The following SPACDR variants were observed in gnomAD, a reference collection of about 807,000 sequenced individuals.
SPACDR encodes the protein uncharacterized protein C7orf61.
At chr7:100,459,071 T>C in the SPACDR span, among the ~76,000 whole-genome samples, 1 of 146,650 alleles carries the variant, frequency 6.8e-6, no homozygotes, top group East Asian at 2.2e-4. Flanking sequence ...TGGCACAATC[T>C]TGGCTCACTG....
chr7:100,460,213 A>G, the SPACDR span, among the ~76,000 whole-genome samples: 3 of 151,610 alleles, frequency 2.0e-5, no homozygotes, highest in Non-Finnish European at 4.4e-5. Flanking sequence ...TTGTGTGAAC[A>G]TAAGATTTTA....
At chr7:100,460,663 T>C in the SPACDR span, among the ~76,000 whole-genome samples, 1 of 151,638 alleles carries the variant, frequency 6.6e-6, no homozygotes, top group African/African-American at 2.4e-5. Context: ...TATTTTCCTT[T>C]TTTTTTTTTG....
chr7:100,460,782 T>A, the SPACDR span, among the ~76,000 whole-genome samples: 42 of 152,016 alleles, frequency 2.8e-4, no homozygotes, highest in Middle Eastern at 3.4e-3. Context: ...TAGCTGGGAC[T>A]ACAGGCATGC....
chr7:100,463,964 C>T, the SPACDR span: 2 of 1,607,596 alleles, frequency 1.2e-6, no homozygotes, highest in East Asian at 2.2e-5. Flanking sequence ...GAAACTCACC[C>T]AGGAAATAAT....
chr7:100,462,516 A>AAT, the SPACDR span, among the ~76,000 whole-genome samples: 3 of 139,004 alleles, frequency 2.2e-5, no homozygotes, highest in Non-Finnish European at 3.1e-5. Context: ...CCCGGCCAGA[A>AAT]ATATATATAT....
the SPACDR span, chr7:100,463,318 C>T: frequency 2.0e-6 from 3 of 1,470,536 alleles, no homozygotes; most frequent in Non-Finnish European, 2.8e-6. Flanking sequence ...GGGTGAGTCA[C>T]TGGGGGCTGG....
At chr7:100,463,833 T>G in the SPACDR span, 19 of 1,295,590 alleles carry the variant, frequency 1.5e-5, no homozygotes, top group South Asian at 2.2e-4. Flanking sequence ...CAGCTGTCCT[T>G]TCCTTCCTCC....
the SPACDR span, among the ~76,000 whole-genome samples, chr7:100,459,160 C>G: frequency 1.4e-5 from 2 of 147,072 alleles, no homozygotes; most frequent in Non-Finnish European, 3.0e-5. Flanking sequence ...CCTGCCACCA[C>G]GCCTGGCTAA....
chr7:100,463,608 C>G, the SPACDR span: 1 of 1,613,948 alleles, frequency 6.2e-7, no homozygotes, highest in Non-Finnish European at 8.5e-7. Context: ...AGAGTCTTCT[C>G]CATCTTCTTC....
chr7:100,459,586 G>A, the SPACDR span, among the ~76,000 whole-genome samples: 11 of 152,114 alleles, frequency 7.2e-5, no homozygotes, highest in Non-Finnish European at 1.0e-4. Flanking sequence ...CACCACGCCC[G>A]GCCCTGTCCT....
At chr7:100,463,612 C>T in the SPACDR span, 1 of 1,613,904 alleles carries the variant, frequency 6.2e-7, no homozygotes, top group Non-Finnish European at 8.5e-7. Context: ...TCTTCTCCAT[C>T]TTCTTCAATG....
At chr7:100,456,767 G>A in the SPACDR span, 1 of 1,609,730 alleles carries the variant, frequency 6.2e-7, no homozygotes, top group East Asian at 2.2e-5. Context: ...GGGGACTTTG[G>A]GCATCCAGTT....
chr7:100,463,678 G>A, the SPACDR span: 7 of 1,613,640 alleles, frequency 4.3e-6, no homozygotes, highest in Admixed American at 1.7e-5. Flanking sequence ...TTTGCCTCCA[G>A]AAGAAAACCT....
chr7:100,460,181 G>C, the SPACDR span, among the ~76,000 whole-genome samples: 3 of 151,944 alleles, frequency 2.0e-5, no homozygotes, highest in Non-Finnish European at 2.9e-5. Flanking sequence ...GAGCCACTGC[G>C]CCTGGCCTCA....
the SPACDR span, among the ~76,000 whole-genome samples, chr7:100,458,967 G>A: frequency 3.4e-5 from 5 of 148,654 alleles, no homozygotes; most frequent in East Asian, 9.9e-4. Flanking sequence ...TCACACCCAC[G>A]TTACTGTGTG....
the SPACDR span, among the ~76,000 whole-genome samples, chr7:100,462,997 G>A: frequency 1.3e-5 from 2 of 150,608 alleles, no homozygotes; most frequent in African/African-American, 4.9e-5. Flanking sequence ...CCAGCTACTC[G>A]GGAGGCTGAG....
the SPACDR span, among the ~76,000 whole-genome samples, chr7:100,461,362 C>T: frequency 3.9e-5 from 6 of 151,988 alleles, no homozygotes; most frequent in Admixed American, 6.6e-5. Flanking sequence ...CTGCAGCCTC[C>T]GCTTCCCAGA....
the SPACDR span, among the ~76,000 whole-genome samples, chr7:100,460,748 G>C: frequency 6.6e-6 from 1 of 151,442 alleles, no homozygotes; most frequent in African/African-American, 2.4e-5. Flanking sequence ...CCTCCCAGTG[G>C]TCCTCTCACC....
At chr7:100,462,795 G>A in the SPACDR span, among the ~76,000 whole-genome samples, 4 of 147,730 alleles carry the variant, frequency 2.7e-5, no homozygotes, top group Non-Finnish European at 4.5e-5. Flanking sequence ...CTATAGGCAT[G>A]AGCCACCATG....
Sources: gnomAD v4.1 joint callset for allele counts (sites outside exome capture counted in the v4.1 genomes callset) on GRCh38, gnomAD v4.1.1 for gene constraint, MANE v1.5 for transcripts, NCBI Gene and HGNC (gene_info 2026-07-23, HGNC 2026-07-21) for gene names.